VPS13B: variants seen among roughly 807,000 people sequenced by gnomAD.
VPS13B encodes the protein vacuolar protein sorting 13 homolog B.
Under a neutral mutation model 426.4 loss-of-function variants are expected in VPS13B, and 285 were observed. The ratio of observed to expected loss-of-function variants is 0.67; its 90% confidence interval spans 0.61 to 0.74. The LOEUF (loss-of-function observed/expected upper bound fraction) is 0.74, where lower values mean the gene tolerates loss of function less well. Among genes scored for constraint, VPS13B ranks in the 30% least tolerant of loss-of-function variants. VPS13B has a pLI of 0.00. For synonymous variants in VPS13B, 1,676 were observed against 1,676.4 expected (o/e 1.00, Z 0.01); for missense variants, 4,537 against 4,782.6 (o/e 0.95, Z 1.51).
intron 33 of VPS13B, among the ~76,000 whole-genome samples, chr8:99,632,256 G>A (rs1828878253): frequency 6.6e-6 from 1 of 151,910 alleles, no homozygotes; most frequent in South Asian, 2.1e-4. Context: ...TTTCTTAGCA[G>A]TTTGGAGACT....
At chr8:99,251,566 C>T (rs1377004531) in intron 17 of VPS13B, among the ~76,000 whole-genome samples, 1 of 152,052 alleles carries the variant, frequency 6.6e-6, no homozygotes. Context: ...AATAACACAT[C>T]GCTGAATTCT....
intron 23 of VPS13B, among the ~76,000 whole-genome samples, chr8:99,460,794 A>G (rs1818784421): frequency 6.6e-6 from 1 of 151,980 alleles, no homozygotes. Context: ...CTGAGTGTGG[A>G]CATTGTTCAC....
chr8:99,659,416 T>C (rs1220868807), intron 34 of VPS13B, among the ~76,000 whole-genome samples: 1 of 152,182 alleles, frequency 6.6e-6, no homozygotes, highest in Non-Finnish European at 1.5e-5. Context: ...TTTGACTTTT[T>C]ATTCTGTTCA....
intron 17 of VPS13B, among the ~76,000 whole-genome samples, chr8:99,247,482 AT>A (rs1405231977): frequency 4.6e-5 from 7 of 152,144 alleles, no homozygotes; most frequent in Admixed American, 3.3e-4. Flanking sequence ...GGTTGATCCA[AT>A]TTTAATAATA....
chr8:99,274,454 AT>A, intron 18 of VPS13B, 122 bp downstream of exon 18: 1 of 1,483,798 alleles, frequency 6.7e-7, no homozygotes, highest in Non-Finnish European at 9.3e-7. Flanking sequence ...GACGTTTTAA[AT>A]TTTTACTTAG....
chr8:99,800,499 T>G (rs542814733), intron 43 of VPS13B, among the ~76,000 whole-genome samples: 4 of 152,328 alleles, frequency 2.6e-5, no homozygotes, highest in African/African-American at 9.6e-5. Flanking sequence ...CAAAAAAAGT[T>G]ATGCATAAAA....
intron 19 of VPS13B, among the ~76,000 whole-genome samples, chr8:99,351,346 A>G (rs1349487077): frequency 6.6e-6 from 1 of 152,166 alleles, no homozygotes; most frequent in Non-Finnish European, 1.5e-5. Context: ...AGGAAAGTTT[A>G]AACTTAAAGT....
At chr8:99,835,500 T>C in intron 53 of VPS13B, 39 bp from the exon 54 acceptor site, 1 of 1,600,070 alleles carries the variant, frequency 6.2e-7, no homozygotes, top group Non-Finnish European at 8.6e-7. Flanking sequence ...TCTCTGTCTT[T>C]AAGGGCTAAT....
At chr8:99,845,691 A>G (rs1815947119) in intron 54 of VPS13B, among the ~76,000 whole-genome samples, 1 of 152,246 alleles carries the variant, frequency 6.6e-6, no homozygotes, top group African/African-American at 2.4e-5. Flanking sequence ...GGGCATGGAT[A>G]CTGGGATGTA....
chr8:99,409,052 T>A (rs923225795), intron 21 of VPS13B, among the ~76,000 whole-genome samples: 4 of 152,144 alleles, frequency 2.6e-5, no homozygotes, highest in African/African-American at 9.7e-5. Context: ...CATTACTGAG[T>A]CCACAGTATG....
In VPS13B at chr8:99,078,970, T is replaced by C. The variant is rs1368944577; in HGVS notation, c.292-17342T>C. The stretch of plus-strand genomic sequence containing the variant: ...AGTGCACATGGTAAAGGTGGCTGTC[T>C]GGGCAGATTCATCCTCAGGCTGCTG... On this transcript the variant is annotated intron_variant, in intron 3 of 61. Transcript: ENST00000357162. Among the ~76,000 whole-genome samples the C allele has an allele frequency of 2.6e-5, 4 of 152,144 alleles. No individual in the cohort carries two copies. The South Asian group carries it at 8.3e-4, about 32-fold the overall frequency.
intron 19 of VPS13B, among the ~76,000 whole-genome samples, chr8:99,297,531 A>G (rs1237019099): frequency 6.5e-5 from 3 of 45,956 alleles, no homozygotes; most frequent in African/African-American, 3.3e-4. Flanking sequence ...ATGTAAAATC[A>G]TGTGCTAATT....
chr8:99,161,517 T>C (rs1406008494), intron 15 of VPS13B, among the ~76,000 whole-genome samples: 2 of 152,228 alleles, frequency 1.3e-5, no homozygotes, highest in African/African-American at 4.8e-5. Context: ...TCCAGTGTAA[T>C]GTAAAAGTTA....
chr8:99,274,950 T>G (rs1818815346), intron 18 of VPS13B, 131 bp from the exon 19 acceptor site: 1 of 812,984 alleles, frequency 1.2e-6, no homozygotes, highest in African/African-American at 1.7e-5. Flanking sequence ...CTCAGTATAA[T>G]TAAATGTATA....
rs1810558937 is a variant in VPS13B, at chr8:99,143,812, G to A, written c.1843+647G>A. ...TTTCTCTGTCTCTACAATACGTTTA[G>A]TTACTGTGACAGAGATGGCTAATTG... is the stretch of plus-strand genomic sequence containing the variant. On this transcript the variant is annotated intron_variant, in intron 13 of 61. Coordinates refer to ENST00000357162, the MANE Select transcript of VPS13B (RefSeq NM_152564.5). Among the ~76,000 whole-genome samples, 4 of 152,232 alleles carry A rather than the reference G, an allele frequency of 2.6e-5. 1 individual carries two copies. The highest frequency in any genetic ancestry group is 2.6e-4 in the Admixed American group (4 of 15,296).
At chr8:99,292,509 G>A (rs1588214661) in intron 19 of VPS13B, among the ~76,000 whole-genome samples, 1 of 152,042 alleles carries the variant, frequency 6.6e-6, no homozygotes, top group South Asian at 2.1e-4. Context: ...TTACTGACCA[G>A]CTTTATCTAT....
At chr8:99,360,162 CTT>C (rs1812444599) in intron 19 of VPS13B, among the ~76,000 whole-genome samples, 2 of 35,198 alleles carry the variant, frequency 5.7e-5, no homozygotes, top group African/African-American at 1.4e-4. Context: ...TTCTTTCTTT[CTT>C]TCTTTCTTTC....
intron 17 of VPS13B, among the ~76,000 whole-genome samples, chr8:99,247,721 A>G (rs1817296765): frequency 6.6e-6 from 1 of 152,202 alleles, no homozygotes. Context: ...TTTGCGTTAC[A>G]ACTATAAGTA....
At chr8:99,089,227 G>A (rs1437525520) in intron 3 of VPS13B, among the ~76,000 whole-genome samples, 1 of 150,962 alleles carries the variant, frequency 6.6e-6, no homozygotes, top group Non-Finnish European at 1.5e-5. Context: ...ATTGAGATAT[G>A]AACATAATGT....
Sources: gnomAD v4.1 joint callset for allele counts (sites outside exome capture counted in the v4.1 genomes callset) on GRCh38, gnomAD v4.1.1 for gene constraint, MANE v1.5 for transcripts, NCBI Gene and HGNC (gene_info 2026-07-23, HGNC 2026-07-21) for gene names.